Variants in HTT observed in about 807,000 individuals in gnomAD.
HTT encodes huntington disease protein.
A neutral mutation model predicts 362.3 loss-of-function variants in HTT; 104 were observed. The observed-to-expected ratio is 0.29, with a 90% CI of 0.24 to 0.34. HTT has a LOEUF of 0.34. HTT is among the 10% of genes least tolerant of loss of function. The probability of loss-of-function intolerance (pLI) is 1.00; values close to 1 mark genes in which losing one functional copy is unlikely to be tolerated. For synonymous variants in HTT, 1,577 were observed against 1,548.7 expected (o/e 1.02, Z -0.43); for missense variants, 3,301 against 3,928.6 (o/e 0.84, Z 4.27).
At chr4:3,176,230 T>C (rs960098543) in intron 33 of HTT, among the ~76,000 whole-genome samples, 14 of 152,100 alleles carry the variant, frequency 9.2e-5, no homozygotes, top group African/African-American at 3.4e-4. Context: ...GGTTTCACTG[T>C]GTTAGCCAGG....
rs1560535217 is a variant in HTT at position 3,074,938 on chromosome 4, A to ACCGCC, written c.113_114insCCGCC (p.Gln38HisfsTer65). On this transcript the variant is annotated frameshift_variant, in exon 1 of 67. Transcript: ENST00000355072. LOFTEE classifies it high-confidence loss of function. ...CAGCAGCAGCAGCAGCAGCAGCAAC[A>ACCGCC]GCCGCCACCGCCGCCGCCGCCGCCG... The ACCGCC allele has an allele frequency of 2.6e-4, 336 of 1,272,110 alleles. 1 individual carries two copies. The African/African-American group carries it at 5.5e-3, about 21-fold the overall frequency. The allele number at this position is 1,272,110 out of a possible 1,614,324, so 78.8% of individuals were successfully genotyped here.
At chr4:3,201,074 A>G (rs552791806) in intron 41 of HTT, among the ~76,000 whole-genome samples, 7 of 152,372 alleles carry the variant, frequency 4.6e-5, no homozygotes, top group African/African-American at 1.7e-4. Context: ...ACCAAAGGTA[A>G]ATTTAGTTTG....
chr4:3,143,863 A>G (rs980367927), intron 23 of HTT, among the ~76,000 whole-genome samples: 5 of 152,080 alleles, frequency 3.3e-5, no homozygotes, highest in African/African-American at 9.7e-5. Flanking sequence ...TCGACCCCCC[A>G]AAGTGCTGGG....
At chr4:3,174,914 G>C in intron 32 of HTT, 32 bp from the exon 33 acceptor site, 2 of 1,549,122 alleles carry the variant, frequency 1.3e-6, no homozygotes, top group Non-Finnish European at 1.8e-6. Context: ...GCTTACTTAT[G>C]GATTCTTTCT....
In HTT at chr4:3,206,845, G is replaced by A. The variant is rs201094471; in HGVS notation, c.5937G>A (p.Gly1979=). 343 of 1,611,424 alleles carry A rather than the reference G, an allele frequency of 2.1e-4. No individual in the cohort carries two copies. The African/African-American group carries it at 3.7e-3, about 17-fold the overall frequency. ...AGAAAACTCTTCAGTGCTTGGAGGG[G>A]ATCCATCTCAGCCAGTCGGGAGCTG... is the stretch of plus-strand genomic sequence containing the variant. The part of the protein sequence containing the change: ...MLKKTLQCLE[G]IHLSQSGAVL... The change falls in exon 44 of 67, where the codon GGG becomes GGA. Residue 1979 remains glycine (G), a synonymous_variant. Coordinates refer to ENST00000355072, the MANE Select transcript of HTT (RefSeq NM_001388492.1). This position sits in a 1 kb window ranked among gnomAD's most constrained non-coding sequence, Gnocchi z 4.6.
chr4:3,171,431 T>A (rs1458075881), intron 29 of HTT, among the ~76,000 whole-genome samples: 1 of 151,674 alleles, frequency 6.6e-6, no homozygotes, highest in East Asian at 1.9e-4. Context: ...GCATTCAGAA[T>A]GGTGGCGCTC....
chr4:3,228,552 C>T lies in HTT; in HGVS notation c.7849-63C>T, dbSNP rs555027691. 1.5e-5 allele frequency: 22 copies of T among 1,503,642 alleles called. No individual in the cohort carries two copies. The African/African-American group carries it at 2.7e-4, about 18-fold the overall frequency. The allele number at this position is 1,503,642 out of a possible 1,614,324, so 93.1% of individuals were successfully genotyped here. A position where few individuals can be genotyped will look rare whatever the true frequency, so the allele number is the denominator to read the frequency against. On this transcript the variant is annotated intron_variant, in intron 57 of 66. Coordinates refer to ENST00000355072, the MANE Select transcript of HTT (RefSeq NM_001388492.1). The surrounding 1 kb of genome is among the most constrained non-coding windows in gnomAD (Gnocchi z 4.3). ...CATGTGCTGAGTCCCAGTGGCCACA[C>T]CCACCCACCAGGAGCCTGGCACTGT... is the stretch of plus-strand genomic sequence containing the variant.
intron 32 of HTT, 29 bp downstream of exon 32, chr4:3,174,828 C>G: frequency 1.2e-6 from 2 of 1,605,988 alleles, no homozygotes; most frequent in Non-Finnish European, 1.7e-6. Context: ...GGCATGTGAA[C>G]TCAGGCGTGT....
intron 41 of HTT, chr4:3,202,924 G>C (rs1314855740): frequency 6.6e-6 from 1 of 152,304 alleles, no homozygotes. Flanking sequence ...AGGATCACTT[G>C]AGCTCAGGAG....
chr4:3,239,926 A>T lies in HTT; in HGVS notation c.9296A>T (p.Tyr3099Phe). 6.3e-7 allele frequency: 1 copy of T among 1,579,872 alleles called. No homozygotes were observed. Among genetic ancestry groups the T allele is most frequent in the Non-Finnish European group, 8.6e-7 (1 of 1,161,694 alleles). The part of the protein sequence containing the change: ...NLFCLVATDF[Y>F]RHQIEEELDR... Reference sequence around the variant, plus strand: ...TTCTGCCTGGTCGCCACAGACTTCTACAGACACCAGATAGAGGAGGAGCTC... The same window carrying T: ...TTCTGCCTGGTCGCCACAGACTTCTTCAGACACCAGATAGAGGAGGAGCTC... Residue 3099 changes from tyrosine (Y) to phenylalanine (F), a missense_variant, in exon 67 of 67, where the codon TAC becomes TTC. By Grantham distance (22) the Tyr-to-Phe change is conservative. Around this residue, in one of 4 missense-constraint regions of HTT, gnomAD observed 753 missense variants for 1,021.3 expected, o/e 0.74. Coordinates refer to ENST00000355072, the MANE Select transcript of HTT (RefSeq NM_001388492.1).
chr4:3,149,499 G>C (rs548579554), intron 26 of HTT, among the ~76,000 whole-genome samples: 51 of 151,954 alleles, frequency 3.4e-4, no homozygotes, highest in African/African-American at 1.2e-3. Flanking sequence ...GTAGAGACGG[G>C]GTTTCACCAT....
intron 39 of HTT, 106 bp from the exon 40 acceptor site, chr4:3,188,845 C>T (rs1236107277): frequency 1.8e-6 from 2 of 1,102,604 alleles, no homozygotes; most frequent in Non-Finnish European, 2.6e-6. Context: ...ATGTACTCTA[C>T]CTATATTTTT....
At chr4:3,192,114 T>A (rs1719039428) in intron 40 of HTT, among the ~76,000 whole-genome samples, 1 of 152,198 alleles carries the variant, frequency 6.6e-6, no homozygotes, top group Non-Finnish European at 1.5e-5. Context: ...TCGCCTAGGC[T>A]GAAGTGCAGT....
In HTT at chr4:3,115,969, C is replaced by T. The variant is rs940116587; in HGVS notation, c.890-116C>T. On this transcript the variant is annotated intron_variant, in intron 7 of 66. Transcript: ENST00000355072. ...CAGTGGGCCTCATGGCGTACTCGTT[C>T]ATGATCATGTTTGTGCCATCTTGAT... 20 of 954,468 alleles carry T rather than the reference C, an allele frequency of 2.1e-5. No individual in the cohort carries two copies. In the African/African-American group the frequency reaches 3.2e-4, roughly 15 times the overall value. 59.1% of individuals were successfully genotyped at this position (954,468 alleles called of 1,614,324 possible).
intron 26 of HTT, 30 bp from the exon 27 acceptor site, chr4:3,154,263 T>C: frequency 1.3e-6 from 2 of 1,515,640 alleles, no homozygotes; most frequent in Non-Finnish European, 1.8e-6. Context: ...TTTTGTTTTT[T>C]TGTTTTTTGT....
At chr4:3,118,204 T>G (rs562606512) in intron 8 of HTT, among the ~76,000 whole-genome samples, 1 of 152,358 alleles carries the variant, frequency 6.6e-6, no homozygotes, top group Non-Finnish European at 1.5e-5. Context: ...GTGTATATTT[T>G]ATATCTGAGT....
Position 3,240,172 on chromosome 4 carries a change from A to G in HTT, c.*113A>G, listed in dbSNP as rs2110309204. 1 of 872,152 alleles carries G rather than the reference A, an allele frequency of 1.1e-6. No individual in the cohort carries two copies. Among genetic ancestry groups the G allele is most frequent in the South Asian group, 1.7e-5 (1 of 59,932 alleles). The allele number at this position is 872,152 out of a possible 1,614,324, so 54.0% of individuals were successfully genotyped here. A position where few individuals can be genotyped will look rare whatever the true frequency, so the allele number is the denominator to read the frequency against. On this transcript the variant is annotated 3_prime_UTR_variant, in exon 67 of 67. Coordinates refer to ENST00000355072, the MANE Select transcript of HTT (RefSeq NM_001388492.1). Reference sequence around the variant, plus strand: ...GCTTGGTCCCTATGGGCTTCCGCACATGCCGCGGGCGGCCAGGCAACGTGC... The same window carrying G: ...GCTTGGTCCCTATGGGCTTCCGCACGTGCCGCGGGCGGCCAGGCAACGTGC...
chr4:3,209,045 G>A, intron 46 of HTT, 134 bp downstream of exon 46: 1 of 995,934 alleles, frequency 1.0e-6, no homozygotes. Context: ...CAGTGAAGCT[G>A]TGGTTAGAGA....
intron 40 of HTT, among the ~76,000 whole-genome samples, chr4:3,198,283 T>C (rs1578580773): frequency 2.2e-5 from 3 of 137,422 alleles, no homozygotes; most frequent in Non-Finnish European, 4.6e-5. Flanking sequence ...TAGAGTGCAG[T>C]GGCACGATCT....
Sources: allele counts gnomAD v4.1 joint callset (sites outside exome capture counted in the v4.1 genomes callset), GRCh38; gene constraint gnomAD v4.1.1; regional missense constraint gnomAD v4.1.1; non-coding constraint Gnocchi (gnomAD v3.1); transcripts MANE v1.5; gene names NCBI Gene and HGNC (gene_info 2026-07-23, HGNC 2026-07-21).